Variants in E4F1 observed in about 807,000 individuals in gnomAD.
E4F1 encodes E4F transcription factor 1.
Under a neutral mutation model 72.9 loss-of-function variants are expected in E4F1, and 30 were observed. The ratio of observed to expected loss-of-function variants is 0.41; its 90% CI spans 0.31 to 0.56. The LOEUF is 0.56. E4F1 is among the 20% of genes least tolerant of loss of function. E4F1 has a pLI of 0.25. For missense variants in E4F1, 1,091 were observed against 1,117.5 expected, an observed-to-expected ratio of 0.98 and a Z score of 0.34; for synonymous variants, 542 against 478.2, an observed-to-expected ratio of 1.13 and a Z score of -1.74.
chr16:2,227,445 C>A (rs1322066308), intron 1 of E4F1, among the ~76,000 whole-genome samples: 2 of 150,592 alleles, frequency 1.3e-5, no homozygotes, highest in African/African-American at 4.9e-5. Context: ...GATCTCGGCT[C>A]ACTGCAAGCT....
At chr16:2,224,927 T>G (rs1180642930) in intron 1 of E4F1, among the ~76,000 whole-genome samples, 2 of 150,652 alleles carry the variant, frequency 1.3e-5, no homozygotes, top group Admixed American at 6.6e-5. Flanking sequence ...AAAATAAAGA[T>G]TGTGGCCAGG....
At chr16:2,234,514 C>T in intron 10 of E4F1, 69 bp from the exon 11 acceptor site, 1 of 1,554,472 alleles carries the variant, frequency 6.4e-7, no homozygotes, top group South Asian at 1.2e-5. Context: ...CCTTGGGCCA[C>T]AGGCGGGAGG....
intron 1 of E4F1, 40 bp downstream of exon 1, chr16:2,223,810 C>T: frequency 6.5e-7 from 1 of 1,534,684 alleles, no homozygotes; most frequent in South Asian, 1.2e-5. Context: ...GGGGTGCGGG[C>T]AGTTCATCCC....
intron 1 of E4F1, 158 bp from the exon 2 acceptor site, chr16:2,228,214 T>G: frequency 1.0e-6 from 1 of 984,358 alleles, no homozygotes; most frequent in Non-Finnish European, 1.6e-6. Context: ...GATGACCTTG[T>G]TTTGGGCCCG....
At chr16:2,225,845 C>G (rs913298120) in intron 1 of E4F1, among the ~76,000 whole-genome samples, 5 of 151,272 alleles carry the variant, frequency 3.3e-5, no homozygotes, top group Non-Finnish European at 7.4e-5. Context: ...CCTGTAATCC[C>G]AGCACTTTGG....
Position 2,232,998 on chromosome 16 carries a change from C to T in E4F1, c.884-13C>T. Reference sequence around the variant, plus strand: ...TGTGTGAGGGATCTTCACTCCCTCACTCCACCTTGAAGGTTCTGGAGCTGG... The same window carrying T: ...TGTGTGAGGGATCTTCACTCCCTCATTCCACCTTGAAGGTTCTGGAGCTGG... On this transcript the variant is annotated splice_polypyrimidine_tract_variant and intron_variant, in intron 6 of 13. Coordinates refer to ENST00000301727, the MANE Select transcript of E4F1 (RefSeq NM_004424.5). 1.2e-6 allele frequency: 2 copies of T among 1,608,856 alleles called. No individual in the cohort carries two copies. The highest frequency in any genetic ancestry group is 2.2e-5 in the East Asian group (1 of 44,732).
intron 2 of E4F1, 91 bp from the exon 3 acceptor site, chr16:2,229,479 C>T: frequency 7.2e-7 from 1 of 1,392,392 alleles, no homozygotes; most frequent in Non-Finnish European, 1.0e-6. Flanking sequence ...CACACCTCCA[C>T]AGCTTTACAC....
intron 9 of E4F1, 40 bp from the exon 10 acceptor site, chr16:2,234,131 G>C (rs757447879): frequency 6.2e-7 from 1 of 1,600,416 alleles, no homozygotes; most frequent in African/African-American, 1.3e-5. Context: ...TGGCGGGCCC[G>C]CGGGTGATGG....
At chr16:2,234,456 G>A in intron 10 of E4F1, 68 bp downstream of exon 10, 1 of 1,589,870 alleles carries the variant, frequency 6.3e-7, no homozygotes, top group Non-Finnish European at 8.6e-7. Flanking sequence ...TGGCCCAGGT[G>A]CACCCCCTTC....
intron 1 of E4F1, among the ~76,000 whole-genome samples, chr16:2,227,411 G>A (rs556381523): frequency 5.3e-5 from 8 of 151,976 alleles, no homozygotes; most frequent in South Asian, 2.1e-4. Flanking sequence ...TCGCTCTTTC[G>A]CCCAGGCTGG....
chr16:2,226,138 G>A (rs990787700), intron 1 of E4F1, among the ~76,000 whole-genome samples: 8 of 152,152 alleles, frequency 5.3e-5, no homozygotes, highest in African/African-American at 1.4e-4. Flanking sequence ...CAGGAAGGGA[G>A]GTTGTTAATG....
chr16:2,225,559 C>T lies in E4F1; in HGVS notation c.157+1789C>T, dbSNP rs551377575. 6.3e-4 allele frequency among the ~76,000 whole-genome samples: 96 copies of T among 151,494 alleles called. 1 individual carries two copies. Among genetic ancestry groups the T allele is most frequent in the African/African-American group, 2.1e-3 (86 of 41,320 alleles). ...TGCGATCTCGGCTCACCGCAACCTC[C>T]GCCTCCCGGGTTCAAGCTATTCTCC... On this transcript the variant is annotated intron_variant, in intron 1 of 13. Transcript: ENST00000301727.
chr16:2,229,430 C>T (rs1429060455), intron 2 of E4F1, 140 bp from the exon 3 acceptor site: 9 of 797,702 alleles, frequency 1.1e-5, no homozygotes, highest in Admixed American at 4.5e-5. Context: ...CCACCCCAGC[C>T]GTCCCAAGGA....
intron 1 of E4F1, among the ~76,000 whole-genome samples, chr16:2,228,000 A>G (rs2093442305): frequency 2.6e-5 from 4 of 151,912 alleles, no homozygotes; most frequent in South Asian, 4.2e-4. Context: ...ACTGTCCCCA[A>G]ATTAGCATGG....
chr16:2,223,852 C>G (rs766282377), intron 1 of E4F1, 82 bp downstream of exon 1: 1 of 1,530,522 alleles, frequency 6.5e-7, no homozygotes, highest in South Asian at 1.2e-5. Flanking sequence ...GCCCGAGCTG[C>G]GGGCTCGACC....
Position 2,235,122 on chromosome 16 carries a change from C to T in E4F1, c.1977C>T (p.Ile659=), listed in dbSNP as rs778439444. 6.2e-7 allele frequency: 1 copy of T among 1,612,218 alleles called. No individual in the cohort carries two copies. Among genetic ancestry groups the T allele is most frequent in the Non-Finnish European group, 8.5e-7 (1 of 1,179,892 alleles). The change falls in exon 13 of 14, where the codon ATC becomes ATT. Residue 659 remains isoleucine (I), a synonymous_variant. Transcript: ENST00000301727. Reference sequence around the variant, plus strand: ...CGGAGACCAGTGAGGCCACGGAGATCATCGAGGGCACCCAGACAGAGGTGA... The same window carrying T: ...CGGAGACCAGTGAGGCCACGGAGATTATCGAGGGCACCCAGACAGAGGTGA... ...DDAETSEATE[I]IEGTQTEVDS...
chr16:2,225,761 C>A (rs558842274), intron 1 of E4F1, among the ~76,000 whole-genome samples: 1 of 146,564 alleles, frequency 6.8e-6, no homozygotes, highest in African/African-American at 2.5e-5. Flanking sequence ...CGTGCGCCAC[C>A]GTGCCCGGCT....
intron 3 of E4F1, 88 bp from the exon 4 acceptor site, chr16:2,232,083 C>T: frequency 1.3e-6 from 2 of 1,532,396 alleles, no homozygotes; most frequent in East Asian, 2.2e-5. Flanking sequence ...TGGCTCAGAG[C>T]AGCAGGTCCC....
At chr16:2,227,022 G>A (rs990345140) in intron 1 of E4F1, among the ~76,000 whole-genome samples, 2 of 152,258 alleles carry the variant, frequency 1.3e-5, no homozygotes, top group East Asian at 1.9e-4. Context: ...TCAAACTCCC[G>A]CAGTTTTTGT....
Sources: gnomAD v4.1 joint callset for allele counts (sites outside exome capture counted in the v4.1 genomes callset) on GRCh38, gnomAD v4.1.1 for gene constraint, MANE v1.5 for transcripts, NCBI Gene and HGNC (gene_info 2026-07-23, HGNC 2026-07-21) for gene names.